The following NALCN variants were observed in gnomAD, a reference collection of about 807,000 sequenced individuals.
NALCN encodes the protein sodium leak channel NALCN.
In NALCN, 111 loss-of-function variants were observed where a neutral mutation model predicts 225.3. That is an observed-to-expected ratio of 0.49 (90% CI 0.42 to 0.58). The LOEUF is 0.58. Among genes scored for constraint, NALCN ranks in the 20% least tolerant of loss-of-function variants. The pLI, the probability that NALCN is intolerant of heterozygous loss-of-function variation, is 0.00. For missense variants in NALCN, 1,378 were observed against 2,202.4 expected (o/e 0.63, Z 7.49); for synonymous variants, 764 against 769.0 (o/e 0.99, Z 0.11).
At chr13:101,160,098 GTA>G (rs2038096554) in intron 15 of NALCN, among the ~76,000 whole-genome samples, 1 of 152,084 alleles carries the variant, frequency 6.6e-6, no homozygotes, top group Non-Finnish European at 1.5e-5. Flanking sequence ...GGGACTACAG[GTA>G]CACACCACCA....
At position 101,147,354 on chromosome 13, in the gene NALCN, C is replaced by T. The variant is rs866748218; in HGVS notation, c.1840-2458G>A. 3.3e-3 allele frequency among the ~76,000 whole-genome samples: 417 copies of T among 125,086 alleles called. 2 individuals are homozygous for T. The highest frequency in any genetic ancestry group is 0.012 in the African/African-American group (405 of 33,390). The allele number at this position is 125,086 out of a possible 152,430, so 82.1% of individuals were successfully genotyped here. A position where few individuals can be genotyped will look rare whatever the true frequency, so the allele number is the denominator to read the frequency against. On this transcript the variant is annotated intron_variant, in intron 15 of 43. Transcript: ENST00000251127. The stretch of plus-strand genomic sequence containing the variant: ...ACTGCCTTTTTCTTCCTCTCTCTCT[C>T]TTTTTTTTTTTTTTTTTTGAGATGG...
At chr13:101,094,213 C>CAGTG (rs1349127865) in intron 28 of NALCN, among the ~76,000 whole-genome samples, 1 of 152,158 alleles carries the variant, frequency 6.6e-6, no homozygotes, top group Non-Finnish European at 1.5e-5. Flanking sequence ...TGGCCCTAGG[C>CAGTG]AGTGACTACT....
chr13:101,326,318 C>G (rs1192356415), intron 7 of NALCN, among the ~76,000 whole-genome samples: 2 of 152,158 alleles, frequency 1.3e-5, no homozygotes, highest in African/African-American at 4.8e-5. Context: ...TAGTAGATCT[C>G]AATAAATATT....
intron 7 of NALCN, among the ~76,000 whole-genome samples, chr13:101,301,564 T>C (rs775511710): frequency 6.6e-6 from 1 of 151,750 alleles, no homozygotes; most frequent in Non-Finnish European, 1.5e-5. Context: ...CTACTAAAAA[T>C]ACAAAAATTA....
At chr13:101,305,945 G>A (rs940743107) in intron 7 of NALCN, among the ~76,000 whole-genome samples, 1 of 152,214 alleles carries the variant, frequency 6.6e-6, no homozygotes, top group African/African-American at 2.4e-5. Flanking sequence ...ACAAAGCAGA[G>A]AGAGGTCAGG....
chr13:101,384,756 T>C (rs919921006), intron 3 of NALCN, among the ~76,000 whole-genome samples: 18 of 152,152 alleles, frequency 1.2e-4, no homozygotes, highest in Non-Finnish European at 2.1e-4. Context: ...CTCTAGGGAT[T>C]TGGTGAGTGA....
chr13:101,255,906 C>A (rs993752366), intron 11 of NALCN, among the ~76,000 whole-genome samples: 1 of 152,120 alleles, frequency 6.6e-6, no homozygotes, highest in African/African-American at 2.4e-5. Context: ...TGAGGTTAAA[C>A]CATGCTGTCA....
chr13:101,379,969 A>G (rs76397581), intron 3 of NALCN, among the ~76,000 whole-genome samples: 2,593 of 152,248 alleles, frequency 0.017, 75 homozygotes, highest in African/African-American at 0.059. Flanking sequence ...TAATATTGGG[A>G]GATTTCAACA....
intron 12 of NALCN, among the ~76,000 whole-genome samples, chr13:101,231,195 T>A (rs1374145808): frequency 8.6e-5 from 13 of 151,260 alleles, no homozygotes; most frequent in Admixed American, 7.9e-4. Context: ...TGACTGTGTA[T>A]ACACACACAC....
At chr13:101,406,609 T>C (rs2047634088) in intron 1 of NALCN, among the ~76,000 whole-genome samples, 1 of 152,236 alleles carries the variant, frequency 6.6e-6, no homozygotes, top group Non-Finnish European at 1.5e-5. Context: ...TCCATTTTTA[T>C]TATCTGACTC....
At chr13:101,412,551 C>G (rs999606739) in intron 1 of NALCN, among the ~76,000 whole-genome samples, 1 of 152,190 alleles carries the variant, frequency 6.6e-6, no homozygotes, top group Admixed American at 6.5e-5. Context: ...GAGAAACAAG[C>G]AATTCTGTTT....
intron 7 of NALCN, among the ~76,000 whole-genome samples, chr13:101,343,593 A>T (rs1013214107): frequency 3.9e-5 from 6 of 152,350 alleles, no homozygotes; most frequent in East Asian, 1.9e-4. Context: ...GGAGACTTGA[A>T]GACGAAAAGA....
chr13:101,226,482 C>A (rs552262701), intron 13 of NALCN, among the ~76,000 whole-genome samples: 2 of 152,214 alleles, frequency 1.3e-5, no homozygotes, highest in Non-Finnish European at 2.9e-5. Flanking sequence ...TTAACTCTTA[C>A]AATAACCATC....
chr13:101,191,906 G>A lies in NALCN; in HGVS notation c.1764+11C>T, dbSNP rs1417971859. ...TCCAAGATATAATTGAAAAAAAAAT[G>A]CTGAACTCACCAGAGTGGCAAAAAG... On this transcript the variant is annotated intron_variant, in intron 14 of 43. Transcript: ENST00000251127. 5.7e-6 allele frequency: 9 copies of A among 1,592,778 alleles called. No individual in the cohort carries two copies. In the African/African-American group the frequency reaches 9.7e-5, roughly 17 times the overall value.
intron 41 of NALCN, among the ~76,000 whole-genome samples, chr13:101,061,324 A>C (rs2031918050): frequency 6.6e-6 from 1 of 152,206 alleles, no homozygotes; most frequent in Non-Finnish European, 1.5e-5. Flanking sequence ...AATATGTGGA[A>C]AATTCTAGAA....
chr13:101,137,940 T>A (rs892942587), intron 17 of NALCN, among the ~76,000 whole-genome samples: 1 of 152,222 alleles, frequency 6.6e-6, no homozygotes, highest in Non-Finnish European at 1.5e-5. Context: ...TCCACTTTAC[T>A]GATGAGGGTT....
At chr13:101,144,452 C>T (rs1594299863) in intron 16 of NALCN, among the ~76,000 whole-genome samples, 2 of 152,190 alleles carry the variant, frequency 1.3e-5, no homozygotes, top group Non-Finnish European at 2.9e-5. Context: ...CAACACTGAG[C>T]AGCTTCTCCA....
At position 101,293,942 on chromosome 13, in the gene NALCN, G is replaced by A. The variant is rs192880377; in HGVS notation, c.800-1576C>T. Among the ~76,000 whole-genome samples, 535 of 152,320 alleles carry A rather than the reference G, an allele frequency of 3.5e-3. 7 individuals carry two copies. Among genetic ancestry groups the A allele is most frequent in the Non-Finnish European group, 6.0e-3 (411 of 68,022 alleles). On this transcript the variant is annotated intron_variant, in intron 7 of 43. Coordinates refer to ENST00000251127, the MANE Select transcript of NALCN (RefSeq NM_052867.4). ...CATACAGCTGGTATTTGTAAAGCAT[G>A]TTGAGTTTCTAGCCTCTTTAACACA...
chr13:101,102,419 A>C (rs973733648), intron 26 of NALCN, among the ~76,000 whole-genome samples: 2 of 152,232 alleles, frequency 1.3e-5, no homozygotes, highest in African/African-American at 4.8e-5. Flanking sequence ...AGCAAGATAC[A>C]AAACAAGCCT....
Sources: gnomAD v4.1 joint callset for allele counts (sites outside exome capture counted in the v4.1 genomes callset) on GRCh38, gnomAD v4.1.1 for gene constraint, MANE v1.5 for transcripts, NCBI Gene and HGNC (gene_info 2026-07-23, HGNC 2026-07-21) for gene names.